TTN: variants seen among roughly 807,000 people sequenced by gnomAD.
TTN encodes connectin.
TTN carries 1,525 observed loss-of-function variants against 3,223.0 expected under a neutral mutation model. That is an observed-to-expected ratio of 0.47 (90% CI 0.45 to 0.49). The LOEUF (loss-of-function observed/expected upper bound fraction) is 0.49, where lower values mean the gene tolerates loss of function less well. Among genes scored for constraint, TTN ranks in the 20% least tolerant of loss-of-function variants. The pLI is 0.00. For synonymous variants in TTN, 14,094 were observed against 15,161.0 expected (o/e 0.93, Z 5.17); for missense variants, 40,786 against 43,424.0 (o/e 0.94, Z 5.40).
Position 178,728,336 on chromosome 2 carries a change from A to G in TTN, c.19488T>C (p.Ser6496=). 6.2e-7 allele frequency: 1 copy of G among 1,611,736 alleles called. No individual in the cohort carries two copies. ...KLTKMDKVLG[S]SIHMECKVSG... ...ACACCTTGCACTCCATATGAATAGA[A>G]GAGCCCAGAACTTTATCCATTTTGG... The change falls in exon 67 of 363, where the codon TCT becomes TCC. Residue 6496 remains serine (S), a synonymous_variant. Coordinates refer to ENST00000589042, the MANE Select transcript of TTN (RefSeq NM_001267550.2).
Position 178,738,185 on chromosome 2 carries a change from G to A in TTN, c.14268C>T (p.Ser4756=). Residue 4756 remains serine, a synonymous_variant, in exon 49 of 363, where the codon AGC becomes AGT. Coordinates refer to ENST00000589042, the MANE Select transcript of TTN (RefSeq NM_001267550.2). ...CCACCTGGGTTCTCAGGATTTCAAG[G>A]CTGGAGATATACTTTGAAGATCGAA... ...CSIRSSKYIS[S]LEILRTQVVD... 1 of 1,613,742 alleles carries A rather than the reference G, an allele frequency of 6.2e-7. No homozygotes were observed. Among genetic ancestry groups the A allele is most frequent in the Non-Finnish European group, 8.5e-7 (1 of 1,179,782 alleles).
rs780526976 is a variant in TTN, at chr2:178,729,389, A to C, written c.18767T>G (p.Leu6256Arg). 37 of 1,613,390 alleles carry C rather than the reference A, an allele frequency of 2.3e-5. No individual in the cohort carries two copies. The highest frequency in any genetic ancestry group is 7.6e-6 in the Non-Finnish European group (9 of 1,179,642). ...TLTDRVSVFN[L>R]HITKCDPSDT... ...TGAAGGGTCACACTTGGTTATATGGAGGTTAAACACAGACACTCTGTCGGT... is the reference window on the plus strand; with the variant it reads ...TGAAGGGTCACACTTGGTTATATGGCGGTTAAACACAGACACTCTGTCGGT... The change falls in exon 64 of 363, where the codon CTC becomes CGC. Residue 6256 changes from leucine to arginine, a missense_variant. By Grantham distance (102) the Leu-to-Arg change is moderately radical. Transcript: ENST00000589042.
rs748921949 is a variant in TTN, at chr2:178,723,405, C to T, written c.21682+13G>A. On this transcript the variant is annotated intron_variant, in intron 74 of 362. Coordinates refer to ENST00000589042, the MANE Select transcript of TTN (RefSeq NM_001267550.2). ...ATACAGAAAACAGAAAAAGTGAATC[C>T]ACTTGAGCAAACCTTTCACAAAGAG... is the stretch of plus-strand genomic sequence containing the variant. 1 of 1,607,522 alleles carries T rather than the reference C, an allele frequency of 6.2e-7. No homozygotes were observed. Among genetic ancestry groups the T allele is most frequent in the South Asian group, 1.1e-5 (1 of 90,004 alleles).
In TTN at chr2:178,663,526, T is replaced by C. The variant is rs1384566800; in HGVS notation, c.36533-10A>G. 2 of 1,613,476 alleles carry C rather than the reference T, an allele frequency of 1.2e-6. No individual in the cohort carries two copies. The highest frequency in any genetic ancestry group is 2.2e-5 in the East Asian group (1 of 44,856). ...TTGGGAGCCTCAGGCACTTGAAAGA[T>C]ATTAGTGAAATTACATTTAGGCATT... On this transcript the variant is annotated splice_polypyrimidine_tract_variant and intron_variant, in intron 171 of 362. Transcript: ENST00000589042.
intron 270 of TTN, 71 bp downstream of exon 270, chr2:178,610,922 A>G: frequency 1.9e-6 from 3 of 1,572,570 alleles, no homozygotes; most frequent in Non-Finnish European, 1.7e-6. Context: ...TATATTATTA[A>G]TAGCACTGCA....
chr2:178,651,715 C>G lies in TTN; in HGVS notation c.39414G>C (p.Lys13138Asn), dbSNP rs756559868. The G allele has an allele frequency of 1.2e-6, 2 of 1,613,136 alleles. No individual in the cohort carries two copies. The highest frequency in any genetic ancestry group is 2.7e-5 in the African/African-American group (2 of 74,860). Residue 13138 changes from lysine (K) to asparagine (N), a missense_variant, in exon 206 of 363, where the codon AAG becomes AAC. Physicochemically the swap from Lys to Asn is moderately conservative, Grantham distance 94 (BLOSUM62 0). Coordinates refer to ENST00000589042, the MANE Select transcript of TTN (RefSeq NM_001267550.2). ...TTTTGGCAACGACAGCAGGTGCTTTCTTTTCTGGGACAGGTTTCTTAGGTG... is the reference window on the plus strand; with the variant it reads ...TTTTGGCAACGACAGCAGGTGCTTTGTTTTCTGGGACAGGTTTCTTAGGTG... ...TVPPKKPVPE[K>N]KAPAVVAKKP... is the part of the protein sequence containing the mutation.
intron 223 of TTN, among the ~76,000 whole-genome samples, chr2:178,639,415 A>G (rs985177295): frequency 6.6e-6 from 1 of 152,024 alleles, no homozygotes; most frequent in Non-Finnish European, 1.5e-5. Context: ...CTTAGTTTTT[A>G]TCAGCCCCAA....
chr2:178,533,360 A>G lies in TTN; in HGVS notation c.103255T>C (p.Tyr34419His). 6.2e-7 allele frequency: 1 copy of G among 1,613,614 alleles called. No homozygotes were observed. Among genetic ancestry groups the G allele is most frequent in the South Asian group, 1.1e-5 (1 of 91,078 alleles). The change falls in exon 358 of 363, where the codon TAT (tyrosine) becomes CAT (histidine). Residue 34419 changes from tyrosine to histidine, a missense_variant. Tyr to His is a moderately conservative substitution (Grantham distance 83, BLOSUM62 2). Transcript: ENST00000589042. ...AAAGTGTCCCTGATGTGCAGAGCAT[A>G]ATAATCCAAGCCTTCATGGATAATT... ...IEIIHEGLDY[Y>H]ALHIRDTLPE... is the part of the protein sequence containing the mutation.
chr2:178,726,902 T>A, intron 69 of TTN, 188 bp downstream of exon 69: 1 of 465,100 alleles, frequency 2.2e-6, no homozygotes, highest in Non-Finnish European at 3.5e-6. Flanking sequence ...AAATATTTCA[T>A]AATGACTAGT....
In TTN at chr2:178,710,057, A is replaced by G. The variant is rs111503066; in HGVS notation, c.28463-201T>C. Among the ~76,000 whole-genome samples the G allele has an allele frequency of 5.0e-3, 766 of 152,326 alleles. 8 individuals are homozygous for G. The highest frequency in any genetic ancestry group is 0.017 in the African/African-American group (727 of 41,568). On this transcript the variant is annotated intron_variant, in intron 98 of 362. Coordinates refer to ENST00000589042, the MANE Select transcript of TTN (RefSeq NM_001267550.2). ...AACTGTTCTTTGACTTACAAGGTGG[A>G]TGATAAGAAGTAACTCATGGCCATT...
chr2:178,603,049 A>G (rs926019258), intron 282 of TTN, among the ~76,000 whole-genome samples: 3 of 151,982 alleles, frequency 2.0e-5, no homozygotes, highest in African/African-American at 7.2e-5. Flanking sequence ...AGTGTCTACA[A>G]TAATCCCATA....
chr2:178,665,655 T>C, intron 164 of TTN, 53 bp downstream of exon 164: 1 of 1,295,620 alleles, frequency 7.7e-7, no homozygotes, highest in South Asian at 1.9e-5. Context: ...TAGCACCCTG[T>C]ACATGCTAAG....
At position 178,632,519 on chromosome 2, in the gene TTN, T is replaced by C. The variant is rs775993390; in HGVS notation, c.43480+7A>G. ...TTTGGGGTGGACTATTTGATAAAAC[T>C]ATTTACCTTCAATGATCAGTTTGCC... On this transcript the variant is annotated splice_region_variant and intron_variant, in intron 235 of 362. Coordinates refer to ENST00000589042, the MANE Select transcript of TTN (RefSeq NM_001267550.2). 5 of 1,611,420 alleles carry C rather than the reference T, an allele frequency of 3.1e-6. No homozygotes were observed. In the African/African-American group the frequency reaches 5.3e-5, roughly 17 times the overall value.
chr2:178,648,690 G>A lies in TTN; in HGVS notation c.40057+558C>T, dbSNP rs146924669. Among the ~76,000 whole-genome samples the A allele has an allele frequency of 2.9e-3, 447 of 152,250 alleles. 1 individual carries two copies. The highest frequency in any genetic ancestry group is 0.01 in the African/African-American group (422 of 41,570). On this transcript the variant is annotated intron_variant, in intron 213 of 362. Coordinates refer to ENST00000589042, the MANE Select transcript of TTN (RefSeq NM_001267550.2). ...CTCCCCAAGTGTTGGGATGACAGGC[G>A]TGAGCCACCACATCCGGCCTTATTT...
chr2:178,614,269 G>A lies in TTN; in HGVS notation c.49128C>T (p.Arg16376=), dbSNP rs779532675. The A allele has an allele frequency of 6.0e-5, 97 of 1,612,490 alleles. No homozygotes were observed. The highest frequency in any genetic ancestry group is 7.8e-5 in the Non-Finnish European group (92 of 1,179,238). The change falls in exon 262 of 363, where the codon CGC becomes CGT. Residue 16376 remains arginine (R), a synonymous_variant. Coordinates refer to ENST00000589042, the MANE Select transcript of TTN (RefSeq NM_001267550.2). ...ESCLLTWNPP[R]DDGGSKITNY... ...TTGTGATCTTAGATCCACCATCATC[G>A]CGTGGTGGGTTCCATGTTAGAAGAC...
At chr2:178,737,914 T>C in intron 49 of TTN, 168 bp downstream of exon 49, 1 of 676,186 alleles carries the variant, frequency 1.5e-6, no homozygotes, top group Non-Finnish European at 2.3e-6. Context: ...CTGTAAATAA[T>C]GATTTCTTAT....
intron 349 of TTN, 157 bp downstream of exon 349, chr2:178,542,107 A>C (rs548981546): frequency 2.8e-6 from 2 of 709,978 alleles, no homozygotes; most frequent in Admixed American, 3.3e-5. Context: ...GGAGGTTTAG[A>C]AACCTGAGAA....
At position 178,734,989 on chromosome 2, in the gene TTN, C is replaced by A; in HGVS notation, c.14936-1G>T. On this transcript the variant is annotated splice_acceptor_variant, in intron 50 of 362. Transcript: ENST00000589042. LOFTEE classifies it high-confidence loss of function. ...ACCTTCTTCACGAAGGATGGTGGCT[C>A]TACATGAAGTTTACAAAAAAGAAAA... 2 of 1,546,494 alleles carry A rather than the reference C, an allele frequency of 1.3e-6. No homozygotes were observed. Among genetic ancestry groups the A allele is most frequent in the East Asian group, 2.3e-5 (1 of 42,968 alleles).
rs1690708183 is a variant in TTN, at chr2:178,534,806, G to T, written c.101809C>A (p.His33937Asn). ...LQFLHSHNIG[H>N]FDIRPENIIY... The stretch of plus-strand genomic sequence containing the variant: ...ATATTTTCTGGTCTAATGTCAAAGT[G>T]TCCAATATTATGACTGTGTAAAAAC... Residue 33937 changes from histidine (H) to asparagine (N), a missense_variant, in exon 358 of 363, where the codon CAC (histidine) becomes AAC (asparagine). His to Asn is a moderately conservative substitution (Grantham distance 68, BLOSUM62 1). Transcript: ENST00000589042. The T allele has an allele frequency of 1.2e-6, 2 of 1,611,498 alleles. No homozygotes were observed. The highest frequency in any genetic ancestry group is 1.7e-6 in the Non-Finnish European group (2 of 1,179,798).
Sources: allele counts gnomAD v4.1 joint callset (sites outside exome capture counted in the v4.1 genomes callset), GRCh38; gene constraint gnomAD v4.1.1; transcripts MANE v1.5; gene names NCBI Gene and HGNC (gene_info 2026-07-23, HGNC 2026-07-21).